Variants in PCDHGA8 observed in about 807,000 individuals in gnomAD.
PCDHGA8 encodes protocadherin gamma-A8.
PCDHGA8 carries 45 observed loss-of-function variants against 59.2 expected under a neutral mutation model. The observed-to-expected ratio is 0.76, with a 90% CI of 0.60 to 0.98. The LOEUF (loss-of-function observed/expected upper bound fraction) is 0.98, where lower values mean the gene tolerates loss of function less well. PCDHGA8 is among the 50% of genes least tolerant of loss of function. The pLI, the probability that PCDHGA8 is intolerant of heterozygous loss-of-function variation, is 0.00. For synonymous variants in PCDHGA8, 531 were observed against 519.0 expected (o/e 1.02, Z -0.32); for missense variants, 1,257 against 1,196.2 (o/e 1.05, Z -0.75).
chr5:141,439,716 C>T (rs2098127719), intron 1 of PCDHGA8: 1 of 152,476 alleles, frequency 6.6e-6, no homozygotes, highest in Non-Finnish European at 1.5e-5. Flanking sequence ...CCTAGTTCTA[C>T]AAATTATAAG....
intron 2 of PCDHGA8, among the ~76,000 whole-genome samples, chr5:141,500,216 ATTT>A (rs979396489): frequency 3.1e-4 from 46 of 149,244 alleles, no homozygotes; most frequent in Non-Finnish European, 6.7e-4. Context: ...TTATTTATTT[ATTT>A]ATTTATTGAT....
chr5:141,490,585 G>C lies in PCDHGA8; in HGVS notation c.2425-4222G>C. On this transcript the variant is annotated intron_variant, in intron 1 of 3. Transcript: ENST00000398604. The surrounding 1 kb of genome is among the most constrained non-coding windows in gnomAD (Gnocchi z 5.4). Reference sequence around the variant, plus strand: ...CAGGCTCAACATTTCAGATGTCAATGACAATGCACCCCGCTTCAACCAGCA... The same window carrying C: ...CAGGCTCAACATTTCAGATGTCAATCACAATGCACCCCGCTTCAACCAGCA... The C allele has an allele frequency of 6.2e-7, 1 of 1,614,142 alleles. No homozygotes were observed. Among genetic ancestry groups the C allele is most frequent in the South Asian group, 1.1e-5 (1 of 91,078 alleles).
Position 141,491,910 on chromosome 5 carries a change from G to A in PCDHGA8, c.2425-2897G>A, listed in dbSNP as rs946745903. 1.4e-5 allele frequency: 19 copies of A among 1,406,944 alleles called. No individual in the cohort carries two copies. The South Asian group carries it at 2.6e-4, about 19-fold the overall frequency. 87.2% of individuals were successfully genotyped at this position (1,406,944 alleles called of 1,614,324 possible). On this transcript the variant is annotated intron_variant, in intron 1 of 3. Transcript: ENST00000398604. This position sits in a 1 kb window ranked among gnomAD's most constrained non-coding sequence, Gnocchi z 6.9. ...GGCTCCGAGCACCGGGGGTGGTGGCGACTGTGGGCGAGGGGAGGTGGGACC... is the reference window on the plus strand; with the variant it reads ...GGCTCCGAGCACCGGGGGTGGTGGCAACTGTGGGCGAGGGGAGGTGGGACC...
At chr5:141,420,052 C>T (rs535784301) in intron 1 of PCDHGA8, 1 of 1,614,070 alleles carries the variant, frequency 6.2e-7, no homozygotes, top group South Asian at 1.1e-5. Flanking sequence ...AGTCAGTTCT[C>T]TGCTCCAAGT....
Position 141,431,010 on chromosome 5 carries a change from T to G in PCDHGA8, c.2424+35773T>G. 2 of 1,613,972 alleles carry G rather than the reference T, an allele frequency of 1.2e-6. No individual in the cohort carries two copies. The highest frequency in any genetic ancestry group is 1.7e-6 in the Non-Finnish European group (2 of 1,179,964). The stretch of plus-strand genomic sequence containing the variant: ...GCCCTGAATCCGCGCAGCGGCAGCT[T>G]GGTCACGGCGGGCAGGATAGACCGG... On this transcript the variant is annotated intron_variant, in intron 1 of 3. Transcript: ENST00000398604. The surrounding 1 kb of genome is among the most constrained non-coding windows in gnomAD (Gnocchi z 4.8).
chr5:141,472,494 C>T (rs561045783), intron 1 of PCDHGA8, among the ~76,000 whole-genome samples: 9 of 151,168 alleles, frequency 6.0e-5, no homozygotes, highest in South Asian at 2.1e-4. Context: ...GAGACGAGAT[C>T]GTGCCACTGC....
At position 141,477,677 on chromosome 5, in the gene PCDHGA8, TC is replaced by T; in HGVS notation, c.2425-17128del. On this transcript the variant is annotated intron_variant, in intron 1 of 3. Transcript: ENST00000398604. This position sits in a 1 kb window ranked among gnomAD's most constrained non-coding sequence, Gnocchi z 4.9. ...AAATCGTGACAATGGCATAGTGTCA[TC>T]CTTAGTGCCCCTAGACTATGAGGAT... 1 of 1,614,174 alleles carries T rather than the reference TC, an allele frequency of 6.2e-7. No homozygotes were observed. The highest frequency in any genetic ancestry group is 8.5e-7 in the Non-Finnish European group (1 of 1,180,038).
rs189734474 is a variant in PCDHGA8, at chr5:141,512,858, G to T, written c.*1685G>T. 1 of 152,296 alleles carries T rather than the reference G, an allele frequency of 6.6e-6. No individual in the cohort carries two copies. The highest frequency in any genetic ancestry group is 1.9e-4 in the East Asian group (1 of 5,182). 9.4% of individuals were successfully genotyped at this position (152,296 alleles called of 1,614,324 possible). ...ACTTCTCCTATAAGCGCTTCTCTTC[G>T]CATAGTCACGTAGCTCCCACCCCAC... On this transcript the variant is annotated 3_prime_UTR_variant, in exon 4 of 4. Coordinates refer to ENST00000398604, the MANE Select transcript of PCDHGA8 (RefSeq NM_032088.2).
intron 1 of PCDHGA8, among the ~76,000 whole-genome samples, chr5:141,453,492 G>T (rs1046043468): frequency 6.6e-6 from 1 of 152,000 alleles, no homozygotes; most frequent in Non-Finnish European, 1.5e-5. Flanking sequence ...AAAAAAAGGT[G>T]TACTCAGAAA....
intron 1 of PCDHGA8, chr5:141,427,757 C>A: frequency 7.5e-7 from 1 of 1,340,702 alleles, no homozygotes; most frequent in Non-Finnish European, 1.1e-6. Flanking sequence ...CCATCGTTAC[C>A]ACTGACTTGG....
At chr5:141,443,088 T>G (rs188899890) in intron 1 of PCDHGA8, among the ~76,000 whole-genome samples, 1 of 151,974 alleles carries the variant, frequency 6.6e-6, no homozygotes, top group African/African-American at 2.4e-5. Context: ...TGTTCCAGTC[T>G]CCTTCTCAAG....
intron 1 of PCDHGA8, among the ~76,000 whole-genome samples, chr5:141,459,334 A>G (rs987526492): frequency 5.9e-5 from 9 of 152,116 alleles, no homozygotes; most frequent in Admixed American, 1.3e-4. Flanking sequence ...TTTTACTCCA[A>G]AGTTCTTGAA....
intron 1 of PCDHGA8, among the ~76,000 whole-genome samples, chr5:141,480,730 G>T (rs1261461187): frequency 6.6e-6 from 1 of 152,168 alleles, no homozygotes; most frequent in Non-Finnish European, 1.5e-5. Flanking sequence ...GTCTCTGGGG[G>T]TGGGACATAG....
At chr5:141,460,787 C>T (rs1177595415) in intron 1 of PCDHGA8, among the ~76,000 whole-genome samples, 1 of 151,504 alleles carries the variant, frequency 6.6e-6, no homozygotes, top group Non-Finnish European at 1.5e-5. Context: ...TACATATATA[C>T]ACACAAAGTA....
rs372202008 is a variant in PCDHGA8, at chr5:141,404,550, C to T, written c.2424+9313C>T. The stretch of plus-strand genomic sequence containing the variant: ...TTTAGAGATTTGCAAATGCAGGTGA[C>T]GGCAAGTGACAGTGGAAGCCCACCA... On this transcript the variant is annotated intron_variant, in intron 1 of 3. Coordinates refer to ENST00000398604, the MANE Select transcript of PCDHGA8 (RefSeq NM_032088.2). The T allele has an allele frequency of 2.8e-4, 448 of 1,613,648 alleles. 1 individual carries two copies. The highest frequency in any genetic ancestry group is 9.8e-4 in the South Asian group (89 of 91,080).
intron 2 of PCDHGA8, among the ~76,000 whole-genome samples, chr5:141,497,487 T>TCTCTCTCTC (rs1223198472): frequency 1.3e-5 from 2 of 151,562 alleles, no homozygotes; most frequent in Non-Finnish European, 2.9e-5. Flanking sequence ...GCGGAACCTC[T>TCTCTCTCTC]CTCTCTCTCC....
At chr5:141,459,945 G>T (rs113794146) in intron 1 of PCDHGA8, among the ~76,000 whole-genome samples, 54 of 152,164 alleles carry the variant, frequency 3.5e-4, no homozygotes, top group Middle Eastern at 3.2e-3. Flanking sequence ...GGGCGTGATG[G>T]CAGGTGCCTG....
At position 141,395,131 on chromosome 5, in the gene PCDHGA8, C is replaced by A; in HGVS notation, c.2318C>A (p.Pro773His). ...AAGAGTCACCTGATCTTTCCCCAGCCCAACTACGCAGACATGCTCATCAGT... is the reference window on the plus strand; with the variant it reads ...AAGAGTCACCTGATCTTTCCCCAGCACAACTACGCAGACATGCTCATCAGT... ...SRKSHLIFPQ[P>H]NYADMLISQE... The change falls in exon 1 of 4, where the codon CCC becomes CAC. Residue 773 changes from proline (P) to histidine (H), a missense_variant. Transcript: ENST00000398604. 7.4e-6 allele frequency: 12 copies of A among 1,614,202 alleles called. No homozygotes were observed. The highest frequency in any genetic ancestry group is 1.0e-5 in the Non-Finnish European group (12 of 1,180,038).
At position 141,486,927 on chromosome 5, in the gene PCDHGA8, G is replaced by T. The variant is rs2099637231; in HGVS notation, c.2425-7880G>T. On this transcript the variant is annotated intron_variant, in intron 1 of 3. Transcript: ENST00000398604. The surrounding 1 kb of genome is among the most constrained non-coding windows in gnomAD (Gnocchi z 5.0). ...CCCCAAGCACTGCCTCCATCAGTTG[G>T]TGCTGGCCACCTAATCACAAAGGTG... 1 of 1,614,108 alleles carries T rather than the reference G, an allele frequency of 6.2e-7. No homozygotes were observed. Among genetic ancestry groups the T allele is most frequent in the Non-Finnish European group, 8.5e-7 (1 of 1,180,054 alleles).
Sources: allele counts gnomAD v4.1 joint callset (sites outside exome capture counted in the v4.1 genomes callset), GRCh38; gene constraint gnomAD v4.1.1; non-coding constraint Gnocchi (gnomAD v3.1); transcripts MANE v1.5; gene names NCBI Gene and HGNC (gene_info 2026-07-23, HGNC 2026-07-21).